The following PPFIA4 variants were observed in gnomAD, a reference collection of about 807,000 sequenced individuals.
The protein encoded by PPFIA4 is liprin-alpha-4.
A neutral mutation model predicts 145.7 loss-of-function variants in PPFIA4; 98 were observed. That is an observed-to-expected ratio of 0.67 (90% CI 0.57 to 0.80). The LOEUF (loss-of-function observed/expected upper bound fraction) is 0.80, where lower values mean the gene tolerates loss of function less well. Among genes scored for constraint, PPFIA4 ranks in the 30% least tolerant of loss-of-function variants. PPFIA4 has a pLI of 0.00. For missense variants in PPFIA4, 1,457 were observed against 1,632.7 expected, an observed-to-expected ratio of 0.89 and a Z score of 1.85; for synonymous variants, 628 against 649.6, an observed-to-expected ratio of 0.97 and a Z score of 0.51.
chr1:203,059,994 TC>T, intron 21 of PPFIA4, 143 bp downstream of exon 21: 1 of 794,394 alleles, frequency 1.3e-6, no homozygotes. Context: ...TTAGCCCCCC[TC>T]CCCCTCCCCA....
chr1:203,032,488 G>A (rs1658925019), intron 1 of PPFIA4, among the ~76,000 whole-genome samples: 2 of 147,990 alleles, frequency 1.4e-5, no homozygotes, highest in East Asian at 2.1e-4. Context: ...GCTGGAGTAA[G>A]TAGTGTGATC....
Position 203,048,463 on chromosome 1 carries a change from G to A in PPFIA4, c.1225-120G>A. The A allele has an allele frequency of 6.7e-7, 1 of 1,485,760 alleles. No homozygotes were observed. Among genetic ancestry groups the A allele is most frequent in the Non-Finnish European group, 9.1e-7 (1 of 1,093,698 alleles). The allele number at this position is 1,485,760 out of a possible 1,614,324, so 92.0% of individuals were successfully genotyped here. A position where few individuals can be genotyped will look rare whatever the true frequency, so the allele number is the denominator to read the frequency against. ...GGCAGGTGAAGGGGGAGGTGGTCAGGAGACTGGAGAGAGTGGCTCCCAGAG... is the reference window on the plus strand; with the variant it reads ...GGCAGGTGAAGGGGGAGGTGGTCAGAAGACTGGAGAGAGTGGCTCCCAGAG... On this transcript the variant is annotated intron_variant, in intron 10 of 29. Transcript: ENST00000295706. The surrounding 1 kb of genome is among the most constrained non-coding windows in gnomAD (Gnocchi z 5.8).
chr1:203,030,626 T>C (rs782792), intron 1 of PPFIA4, among the ~76,000 whole-genome samples: 116,984 of 152,126 alleles, frequency 0.77, 45,113 homozygotes, highest in Admixed American at 0.8. Context: ...GCCCCTGGAG[T>C]AAGTGGAGCT....
chr1:203,076,750 A>C lies in PPFIA4; in HGVS notation c.*360A>C. 1 of 304,490 alleles carries C rather than the reference A, an allele frequency of 3.3e-6. No individual in the cohort carries two copies. Among genetic ancestry groups the C allele is most frequent in the South Asian group, 4.7e-5 (1 of 21,186 alleles). 18.9% of individuals were successfully genotyped at this position (304,490 alleles called of 1,614,324 possible). On this transcript the variant is annotated 3_prime_UTR_variant, in exon 30 of 30. Transcript: ENST00000295706. ...CACTGCAACCTCCACCAGGACCAGG[A>C]TCCTGGGCCACAGGCTGGGATGGTC...
Position 203,076,325 on chromosome 1 carries a change from T to G in PPFIA4, c.3575-16T>G. The G allele has an allele frequency of 4.4e-6, 7 of 1,602,746 alleles. No homozygotes were observed. Among genetic ancestry groups the G allele is most frequent in the Non-Finnish European group, 5.1e-6 (6 of 1,179,096 alleles). ...CCTGCCTCACAGTGCGATGCCTGTC[T>G]CTCTCTCTCCCTCAGCTCACTCCCA... On this transcript the variant is annotated splice_polypyrimidine_tract_variant and intron_variant, in intron 29 of 29. Transcript: ENST00000295706.
chr1:203,030,384 C>T (rs749615321), intron 1 of PPFIA4, among the ~76,000 whole-genome samples: 52 of 152,236 alleles, frequency 3.4e-4, no homozygotes, highest in Middle Eastern at 3.4e-3. Flanking sequence ...GGAGTGGGGC[C>T]GGGCCTGGAG....
At chr1:203,042,876 T>G (rs896118816) in intron 2 of PPFIA4, among the ~76,000 whole-genome samples, 1 of 152,166 alleles carries the variant, frequency 6.6e-6, no homozygotes, top group African/African-American at 2.4e-5. Context: ...TGACCTCAGG[T>G]GATCTGCCCG....
Position 203,046,120 on chromosome 1 carries a change from C to T in PPFIA4, c.1006-128C>T, listed in dbSNP as rs1032345618. 36 of 1,543,190 alleles carry T rather than the reference C, an allele frequency of 2.3e-5. No individual in the cohort carries two copies. The Admixed American group carries it at 5.7e-4, about 24-fold the overall frequency. On this transcript the variant is annotated intron_variant, in intron 8 of 29. Transcript: ENST00000295706. ...CTTTGAAAGGGGAAGTCAGGCGTCT[C>T]GGGCAGCCAACAACCAAGATTGTCC... is the stretch of plus-strand genomic sequence containing the variant.
In PPFIA4 at chr1:203,042,319, G is replaced by A. The variant is rs561545744; in HGVS notation, c.235-1078G>A. 1.0e-3 allele frequency among the ~76,000 whole-genome samples: 155 copies of A among 152,334 alleles called. 1 individual carries two copies. Among genetic ancestry groups the A allele is most frequent in the Non-Finnish European group, 1.6e-3 (109 of 68,024 alleles). The stretch of plus-strand genomic sequence containing the variant: ...AGGGTGGGCTGGCAAGGTCTCTGAA[G>A]TTATCTGGGCCTGACAGTGTGGAAA... On this transcript the variant is annotated intron_variant, in intron 2 of 29. Coordinates refer to ENST00000295706, the MANE Select transcript of PPFIA4 (RefSeq NM_001304331.2).
Position 203,076,454 on chromosome 1 carries a change from C to A in PPFIA4, c.*64C>A. On this transcript the variant is annotated 3_prime_UTR_variant, in exon 30 of 30. Coordinates refer to ENST00000295706, the MANE Select transcript of PPFIA4 (RefSeq NM_001304331.2). ...ACAGGCTCCTCTGGCCCTGACCCCT[C>A]TTGCTCGTTCCCCTTCCTTCCGCAG... 1 of 1,485,008 alleles carries A rather than the reference C, an allele frequency of 6.7e-7. No homozygotes were observed. The highest frequency in any genetic ancestry group is 9.3e-7 in the Non-Finnish European group (1 of 1,071,216). The allele number at this position is 1,485,008 out of a possible 1,614,324, so 92.0% of individuals were successfully genotyped here. A position where few individuals can be genotyped will look rare whatever the true frequency, so the allele number is the denominator to read the frequency against.
intron 9 of PPFIA4, 42 bp downstream of exon 9, chr1:203,046,424 G>T: frequency 6.5e-7 from 1 of 1,542,940 alleles, no homozygotes; most frequent in South Asian, 1.2e-5. Context: ...TGTCCCCCAT[G>T]TTCTGAGCTC....
intron 1 of PPFIA4, among the ~76,000 whole-genome samples, chr1:203,032,479 C>T (rs898209759): frequency 2.0e-5 from 3 of 147,136 alleles, no homozygotes; most frequent in Non-Finnish European, 4.5e-5. Flanking sequence ...GTTACCCAGG[C>T]TGGAGTAAGT....
intron 27 of PPFIA4, among the ~76,000 whole-genome samples, chr1:203,070,595 A>T: frequency 6.6e-6 from 1 of 151,674 alleles, no homozygotes; most frequent in African/African-American, 2.4e-5. Flanking sequence ...CAAAAAAAAA[A>T]AAAAAAAAAA....
At chr1:203,045,635 G>A in intron 7 of PPFIA4, 76 bp downstream of exon 7, 1 of 1,475,798 alleles carries the variant, frequency 6.8e-7, no homozygotes, top group Non-Finnish European at 9.1e-7. Context: ...AGGCTCTGGG[G>A]CGTGAGACTG....
intron 27 of PPFIA4, among the ~76,000 whole-genome samples, chr1:203,071,129 T>C (rs1385218423): frequency 6.6e-6 from 1 of 151,620 alleles, no homozygotes; most frequent in African/African-American, 2.4e-5. Flanking sequence ...AAATTTTTTT[T>C]TTTTTTTGAG....
chr1:203,051,791 G>A lies in PPFIA4; in HGVS notation c.1534G>A (p.Asp512Asn), dbSNP rs1299703642. Residue 512 changes from aspartate (D) to asparagine (N), a missense_variant, in exon 14 of 30, where the codon GAC becomes AAC. By Grantham distance (23) the Asp-to-Asn change is conservative (BLOSUM62 1). Around this residue, in one of 3 missense-constraint regions of PPFIA4, gnomAD observed 848 missense variants for 1,046.7 expected, o/e 0.81. Transcript: ENST00000295706. ...AAGGTCGCACATGGGCAGTGCAGCA[G>A]ACGTGCGGTTCTCCCTGGGCACAAC... The part of the protein sequence containing the change: ...HSRSHMGSAA[D>N]VRFSLGTTTH... The A allele has an allele frequency of 4.1e-5, 66 of 1,613,388 alleles. No individual in the cohort carries two copies. Among genetic ancestry groups the A allele is most frequent in the Non-Finnish European group, 5.5e-5 (65 of 1,179,740 alleles).
rs914660343 is a variant in PPFIA4, at chr1:203,045,883, C to T, written c.901C>T (p.Leu301=). 3.7e-6 allele frequency: 6 copies of T among 1,612,756 alleles called. No individual in the cohort carries two copies. In the Admixed American group the frequency reaches 5.0e-5, roughly 13 times the overall value. Residue 301 remains leucine (L), a synonymous_variant, in exon 8 of 30, where the codon CTG becomes TTG. Transcript: ENST00000295706. The stretch of plus-strand genomic sequence containing the variant: ...GGACATGGAAGAGCGGATTACTACA[C>T]TGGAGAAGCGCTACCTGGCTGCTCA... ...KEDMEERITT[L]EKRYLAAQRE...
intron 20 of PPFIA4, 56 bp from the exon 21 acceptor site, chr1:203,059,714 A>G: frequency 6.7e-7 from 1 of 1,487,088 alleles, no homozygotes; most frequent in South Asian, 1.2e-5. Flanking sequence ...CCCTGGAGCA[A>G]GAACAGTTAA....
chr1:203,038,229 C>T (rs1395363018), intron 1 of PPFIA4, among the ~76,000 whole-genome samples: 2 of 152,182 alleles, frequency 1.3e-5, no homozygotes, highest in African/African-American at 4.8e-5. Context: ...GGGGGTGGCA[C>T]AGAGACCCTA....
Sources: gnomAD v4.1 joint callset for allele counts (sites outside exome capture counted in the v4.1 genomes callset) on GRCh38, gnomAD v4.1.1 for gene constraint, gnomAD v4.1.1 regional missense constraint, Gnocchi (gnomAD v3.1) non-coding constraint, MANE v1.5 for transcripts, NCBI Gene and HGNC (gene_info 2026-07-23, HGNC 2026-07-21) for gene names.